THAP9: variants seen among roughly 807,000 people sequenced by gnomAD.
The protein encoded by THAP9 is THAP domain containing 9.
In THAP9, 20 loss-of-function variants were observed where a neutral mutation model predicts 35.7. The ratio of observed to expected loss-of-function variants is 0.56; its 90% CI spans 0.39 to 0.81. The LOEUF (loss-of-function observed/expected upper bound fraction) is 0.81, where lower values mean the gene tolerates loss of function less well. Ranked by LOEUF, THAP9 falls within the 40% of genes least tolerant of loss-of-function variation. The probability of loss-of-function intolerance (pLI) is 0.00; values close to 1 mark genes in which losing one functional copy is unlikely to be tolerated. For synonymous variants in THAP9, 335 were observed against 373.7 expected (o/e 0.90, Z 1.19); for missense variants, 870 against 1,047.4 (o/e 0.83, Z 2.34).
At chr4:82,910,416 T>C (rs1720822127) in intron 4 of THAP9, 1 of 146,274 alleles carries the variant, frequency 6.8e-6, no homozygotes, top group Admixed American at 7.2e-5. Context: ...TTAGCAGTTT[T>C]GTGTATATCC....
chr4:82,919,483 T>C lies in THAP9; in HGVS notation c.*559T>C, dbSNP rs1721163901. 1 of 152,492 alleles carries C rather than the reference T, an allele frequency of 6.6e-6. No homozygotes were observed. Among genetic ancestry groups the C allele is most frequent in the South Asian group, 2.1e-4 (1 of 4,844 alleles). The allele number at this position is 152,492 out of a possible 1,614,324, so 9.4% of individuals were successfully genotyped here. On this transcript the variant is annotated 3_prime_UTR_variant, in exon 5 of 5. Coordinates refer to ENST00000302236, the MANE Select transcript of THAP9 (RefSeq NM_024672.6). ...CCCTAAAATAGAAGTGCTTAAACTT[T>C]GTCAGGCAGAAGGTAAAGTACATGA...
At chr4:82,902,284 G>C (rs2126010395) in intron 1 of THAP9, among the ~76,000 whole-genome samples, 1 of 150,118 alleles carries the variant, frequency 6.7e-6, no homozygotes, top group Non-Finnish European at 1.5e-5. Context: ...TTTTGGTAGA[G>C]ATGAGGTCTC....
intron 4 of THAP9, among the ~76,000 whole-genome samples, chr4:82,914,839 G>C (rs1560697557): frequency 1.3e-5 from 2 of 152,038 alleles, no homozygotes; most frequent in Non-Finnish European, 1.5e-5. Flanking sequence ...GTCAATTTTT[G>C]CTTCTGTTAT....
chr4:82,908,030 T>A, intron 4 of THAP9, 95 bp downstream of exon 4: 2 of 1,290,492 alleles, frequency 1.5e-6, no homozygotes, highest in East Asian at 2.5e-5. Context: ...TTAAACCATA[T>A]TATTCTTTTG....
In THAP9 at chr4:82,917,172, A is replaced by T; in HGVS notation, c.960A>T (p.Glu320Asp). The T allele has an allele frequency of 6.2e-7, 1 of 1,613,878 alleles. No individual in the cohort carries two copies. The highest frequency in any genetic ancestry group is 8.5e-7 in the Non-Finnish European group (1 of 1,179,884). Residue 320 changes from glutamate to aspartate, a missense_variant, in exon 5 of 5, where the codon GAA (glutamate) becomes GAT (aspartate). By Grantham distance (45) the Glu-to-Asp change is conservative. This residue lies in a region of THAP9 where 440 missense variants were observed against 501.2 expected (regional missense o/e 0.88). Coordinates refer to ENST00000302236, the MANE Select transcript of THAP9 (RefSeq NM_024672.6). ...LDADETPLAS[E>D]TVLLMAVGIF... ...CTGATGAAACGCCACTTGCTTCAGAAACTGTTTTGTTAATGGCAGTGGGTA... is the reference window on the plus strand; with the variant it reads ...CTGATGAAACGCCACTTGCTTCAGATACTGTTTTGTTAATGGCAGTGGGTA...
At chr4:82,915,561 A>G (rs746263267) in intron 4 of THAP9, among the ~76,000 whole-genome samples, 1 of 152,098 alleles carries the variant, frequency 6.6e-6, no homozygotes, top group African/African-American at 2.4e-5. Context: ...CTGGCCCATA[A>G]GTGTGTTTTT....
Position 82,907,820 on chromosome 4 carries a change from G to C in THAP9, c.616G>C (p.Asp206His), listed in dbSNP as rs749198187. ...KWELYNWRET[D>H]EYSAEMKQFA... is the part of the protein sequence containing the mutation. ...GGAGTTATATAATTGGAGAGAAACAGATGAGTACTCCGCAGAAATGAAACA... is the reference window on the plus strand; with the variant it reads ...GGAGTTATATAATTGGAGAGAAACACATGAGTACTCCGCAGAAATGAAACA... Residue 206 changes from aspartate (D) to histidine (H), a missense_variant, in exon 4 of 5, where the codon GAT becomes CAT. Asp to His is a moderately conservative substitution (Grantham distance 81). This residue lies in a region of THAP9 where 440 missense variants were observed against 501.2 expected (regional missense o/e 0.88). Coordinates refer to ENST00000302236, the MANE Select transcript of THAP9 (RefSeq NM_024672.6). 1.3e-5 allele frequency: 21 copies of C among 1,605,444 alleles called. No individual in the cohort carries two copies. Among genetic ancestry groups the C allele is most frequent in the Non-Finnish European group, 1.8e-5 (21 of 1,177,146 alleles).
chr4:82,915,514 C>T (rs1055272885), intron 4 of THAP9, among the ~76,000 whole-genome samples: 1 of 152,146 alleles, frequency 6.6e-6, no homozygotes. Context: ...ACCTCAGCCT[C>T]CCAAAGTGCT....
At chr4:82,905,088 A>G (rs761677776) in intron 2 of THAP9, 157 bp downstream of exon 2, 45 of 596,764 alleles carry the variant, frequency 7.5e-5, no homozygotes, top group Non-Finnish European at 1.1e-4. Context: ...AAAAAAAATT[A>G]TATATATTAG....
intron 4 of THAP9, among the ~76,000 whole-genome samples, chr4:82,912,891 T>C (rs1720912825): frequency 6.6e-6 from 1 of 152,220 alleles, no homozygotes; most frequent in South Asian, 2.1e-4. Context: ...TTTAAAATGT[T>C]GCTGTAGGTT....
At position 82,906,313 on chromosome 4, in the gene THAP9, A is replaced by G. The variant is rs754483471; in HGVS notation, c.277-11A>G. 74 of 1,539,968 alleles carry G rather than the reference A, an allele frequency of 4.8e-5. No homozygotes were observed. In the Admixed American group the frequency reaches 1.3e-3, roughly 27 times the overall value. ...TTCTAAAATAACTTTAATTTTATATATCTGTCATAGATTCCTCAAGGTGTA... is the reference window on the plus strand; with the variant it reads ...TTCTAAAATAACTTTAATTTTATATGTCTGTCATAGATTCCTCAAGGTGTA... On this transcript the variant is annotated splice_polypyrimidine_tract_variant and intron_variant, in intron 2 of 4. Coordinates refer to ENST00000302236, the MANE Select transcript of THAP9 (RefSeq NM_024672.6).
Position 82,918,830 on chromosome 4 carries a change from G to C in THAP9, c.2618G>C (p.Trp873Ser). The C allele has an allele frequency of 6.2e-7, 1 of 1,613,554 alleles. No homozygotes were observed. The highest frequency in any genetic ancestry group is 8.5e-7 in the Non-Finnish European group (1 of 1,179,734). Residue 873 changes from tryptophan to serine, a missense_variant, in exon 5 of 5, where the codon TGG becomes TCG. By Grantham distance (177) the Trp-to-Ser change is radical. This residue lies in a region of THAP9 where 414 missense variants were observed against 500.8 expected (regional missense o/e 0.83). Coordinates refer to ENST00000302236, the MANE Select transcript of THAP9 (RefSeq NM_024672.6). ...ATGAAAACTTTATCAAGGAAACACT[G>C]GTCATCTGTACAGGATTATAAATGT... ...TDMKTLSRKHWSSVQDYKCSS... is the reference protein window; with the variant it reads ...TDMKTLSRKHSSSVQDYKCSS...
intron 3 of THAP9, among the ~76,000 whole-genome samples, 166 bp downstream of exon 3, chr4:82,906,793 CT>C (rs1720666101): frequency 6.6e-6 from 1 of 152,046 alleles, no homozygotes; most frequent in Non-Finnish European, 1.5e-5. Context: ...TCTTTTGTAT[CT>C]TATGGTTTTC....
chr4:82,918,304 C>T lies in THAP9; in HGVS notation c.2092C>T (p.His698Tyr), dbSNP rs1273421867. The T allele has an allele frequency of 6.2e-7, 1 of 1,614,192 alleles. No homozygotes were observed. The highest frequency in any genetic ancestry group is 8.5e-7 in the Non-Finnish European group (1 of 1,180,018). The part of the protein sequence containing the change: ...HEEGICQDWS[H>Y]CSLSEALLDL... ...AGAGGGTATTTGTCAAGACTGGTCTCATTGTTCACTAAGTGAGGCATTACT... is the reference window on the plus strand; with the variant it reads ...AGAGGGTATTTGTCAAGACTGGTCTTATTGTTCACTAAGTGAGGCATTACT... Residue 698 changes from histidine to tyrosine, a missense_variant, in exon 5 of 5, where the codon CAT (histidine) becomes TAT (tyrosine). By Grantham distance (83) the His-to-Tyr change is moderately conservative. Transcript: ENST00000302236.
chr4:82,912,332 G>T (rs1003841592), intron 4 of THAP9, among the ~76,000 whole-genome samples: 1 of 152,104 alleles, frequency 6.6e-6, no homozygotes, highest in Non-Finnish European at 1.5e-5. Context: ...TATATTCACT[G>T]CAGTTTAGTA....
intron 1 of THAP9, 105 bp downstream of exon 1, chr4:82,900,987 G>A (rs1044256232): frequency 3.7e-6 from 5 of 1,340,932 alleles, no homozygotes; most frequent in Non-Finnish European, 5.2e-6. Context: ...CGCGCCGCGT[G>A]TGTGACGCGA....
rs1004517476 is a variant in THAP9, at chr4:82,919,933, G to A, written c.*1009G>A. On this transcript the variant is annotated 3_prime_UTR_variant, in exon 5 of 5. Transcript: ENST00000302236. Reference sequence around the variant, plus strand: ...AGAATTGTAAAAGATTAATGATAACGTAAAAGTATATTGATTAAAATTCCC... The same window carrying A: ...AGAATTGTAAAAGATTAATGATAACATAAAAGTATATTGATTAAAATTCCC... The A allele has an allele frequency of 2.6e-5, 4 of 152,068 alleles. No homozygotes were observed. The highest frequency in any genetic ancestry group is 4.4e-5 in the Non-Finnish European group (3 of 67,974). 9.4% of individuals were successfully genotyped at this position (152,068 alleles called of 1,614,324 possible).
chr4:82,910,777 G>C, intron 4 of THAP9: 1 of 452,138 alleles, frequency 2.2e-6, no homozygotes, highest in Middle Eastern at 3.3e-4. Context: ...CAAGGAGGGA[G>C]TAGTCCACTA....
intron 2 of THAP9, chr4:82,906,014 A>T: frequency 2.2e-6 from 1 of 460,352 alleles, no homozygotes; most frequent in South Asian, 1.6e-5. Flanking sequence ...TAACCATGTT[A>T]TTGTACCTTC....
Sources: allele counts gnomAD v4.1 joint callset (sites outside exome capture counted in the v4.1 genomes callset), GRCh38; gene constraint gnomAD v4.1.1; regional missense constraint gnomAD v4.1.1; transcripts MANE v1.5; gene names NCBI Gene and HGNC (gene_info 2026-07-23, HGNC 2026-07-21).